The following PTPRG variants were observed in gnomAD, a reference collection of about 807,000 sequenced individuals.
PTPRG encodes receptor-type tyrosine-protein phosphatase gamma.
A neutral mutation model predicts 165.3 loss-of-function variants in PTPRG; 102 were observed. The ratio of observed to expected loss-of-function variants is 0.62; its 90% CI spans 0.53 to 0.73. The LOEUF is 0.73. Among genes scored for constraint, PTPRG ranks in the 30% least tolerant of loss-of-function variants. The pLI is 0.00. For missense variants in PTPRG, 1,866 were observed against 1,861.4 expected (o/e 1.00, Z -0.05); for synonymous variants, 675 against 669.5 (o/e 1.01, Z -0.13).
intron 2 of PTPRG, among the ~76,000 whole-genome samples, chr3:61,767,802 G>C (rs990671049): frequency 5.3e-4 from 80 of 151,508 alleles, no homozygotes; most frequent in African/African-American, 1.5e-3. Context: ...GATCCCGTTT[G>C]TACCAAAGGA....
At chr3:62,112,966 C>T (rs181964750) in intron 5 of PTPRG, among the ~76,000 whole-genome samples, 143 of 152,186 alleles carry the variant, frequency 9.4e-4, no homozygotes, top group Admixed American at 2.2e-3. Flanking sequence ...CGGAGCAGAC[C>T]GTACCACCTG....
chr3:61,563,625 C>T (rs1699826800), intron 1 of PTPRG, among the ~76,000 whole-genome samples: 1 of 152,228 alleles, frequency 6.6e-6, no homozygotes, highest in Non-Finnish European at 1.5e-5. Context: ...CCATCAACTC[C>T]TGCATACCCG....
rs72874718 is a variant in PTPRG, at chr3:61,620,557, C to T, written c.85+58185C>T. 3.2e-3 allele frequency among the ~76,000 whole-genome samples: 481 copies of T among 152,162 alleles called. 4 individuals carry two copies. The highest frequency in any genetic ancestry group is 0.011 in the African/African-American group (456 of 41,520). ...TTGAGGGTTTTTTTTGTTCCTCGTC[C>T]GGTGAATGGAGCAGTTCCAAAGTAA... On this transcript the variant is annotated intron_variant, in intron 1 of 29. Coordinates refer to ENST00000474889, the MANE Select transcript of PTPRG (RefSeq NM_002841.4).
chr3:62,088,832 T>C (rs1279441573), intron 5 of PTPRG, among the ~76,000 whole-genome samples: 2 of 152,358 alleles, frequency 1.3e-5, no homozygotes, highest in South Asian at 4.1e-4. Context: ...CTTAGCATTA[T>C]AGAAGGATTT....
chr3:62,258,115 C>G (rs551656378), intron 16 of PTPRG, among the ~76,000 whole-genome samples: 5 of 152,116 alleles, frequency 3.3e-5, no homozygotes, highest in Non-Finnish European at 5.9e-5. Context: ...GAACCCCCCC[C>G]ACTAGGAGTA....
At chr3:62,182,948 C>T (rs1705719317) in intron 8 of PTPRG, among the ~76,000 whole-genome samples, 1 of 152,208 alleles carries the variant, frequency 6.6e-6, no homozygotes, top group South Asian at 2.1e-4. Flanking sequence ...AGCCACTACG[C>T]CCGGCTAACA....
chr3:61,633,393 T>C (rs536556015), intron 1 of PTPRG, among the ~76,000 whole-genome samples: 4 of 152,328 alleles, frequency 2.6e-5, no homozygotes, highest in Admixed American at 1.3e-4. Flanking sequence ...ATGAAAGTCA[T>C]TGGGATGAGT....
chr3:61,940,166 C>T (rs1245434893), intron 2 of PTPRG, among the ~76,000 whole-genome samples: 4 of 151,762 alleles, frequency 2.6e-5, no homozygotes, highest in South Asian at 2.1e-4. Context: ...AGGCTGGTCT[C>T]GAATTCCTGA....
intron 14 of PTPRG, 77 bp downstream of exon 14, chr3:62,231,388 T>C: frequency 7.9e-7 from 1 of 1,265,392 alleles, no homozygotes; most frequent in East Asian, 2.6e-5. Context: ...TTTGTTGCCA[T>C]GGGGATTGAA....
chr3:62,139,213 C>G (rs1703831262), intron 6 of PTPRG, among the ~76,000 whole-genome samples: 1 of 151,856 alleles, frequency 6.6e-6, no homozygotes, highest in African/African-American at 2.4e-5. Context: ...ACTTGTAATC[C>G]CAGCACTTTG....
At chr3:62,282,662 T>A in intron 27 of PTPRG, 65 bp from the exon 28 acceptor site, 1 of 1,505,260 alleles carries the variant, frequency 6.6e-7, no homozygotes, top group South Asian at 1.4e-5. Context: ...GAGCAAGTTC[T>A]AGTCATTAGA....
At chr3:62,146,757 A>G (rs933961886) in intron 6 of PTPRG, among the ~76,000 whole-genome samples, 4 of 152,022 alleles carry the variant, frequency 2.6e-5, no homozygotes, top group African/African-American at 2.4e-5. Flanking sequence ...CAACTACTCA[A>G]CTCTGCAGTG....
chr3:62,235,535 A>C (rs1406510405), intron 14 of PTPRG, among the ~76,000 whole-genome samples: 1 of 152,198 alleles, frequency 6.6e-6, no homozygotes, highest in Non-Finnish European at 1.5e-5. Context: ...AGGTATCTGC[A>C]AGGATTTCTT....
intron 1 of PTPRG, among the ~76,000 whole-genome samples, chr3:61,724,268 G>C (rs926340884): frequency 6.7e-6 from 1 of 150,292 alleles, no homozygotes; most frequent in Non-Finnish European, 1.5e-5. Flanking sequence ...TATGTATATA[G>C]TGTGTGACTT....
chr3:61,663,230 A>T (rs1702715764), intron 1 of PTPRG, among the ~76,000 whole-genome samples: 1 of 152,234 alleles, frequency 6.6e-6, no homozygotes, highest in Non-Finnish European at 1.5e-5. Context: ...TGGGAATGGA[A>T]TCTGACTTTG....
At chr3:62,093,218 G>C (rs922201913) in intron 5 of PTPRG, among the ~76,000 whole-genome samples, 1 of 152,118 alleles carries the variant, frequency 6.6e-6, no homozygotes, top group South Asian at 2.1e-4. Flanking sequence ...CCTCCATCCC[G>C]GCTCCTATCA....
chr3:61,582,759 C>T (rs371579870), intron 1 of PTPRG, among the ~76,000 whole-genome samples: 1 of 152,116 alleles, frequency 6.6e-6, no homozygotes, highest in Non-Finnish European at 1.5e-5. Flanking sequence ...TCCTCTTGTA[C>T]ATTATTGCAA....
chr3:61,790,416 G>T (rs1014661395), intron 2 of PTPRG, among the ~76,000 whole-genome samples: 9 of 152,106 alleles, frequency 5.9e-5, no homozygotes, highest in African/African-American at 2.2e-4. Context: ...TAGTCCAGTG[G>T]TTTGGATTAA....
intron 2 of PTPRG, chr3:61,925,768 T>A (rs2039193696): frequency 1.8e-5 from 7 of 384,190 alleles, no homozygotes; most frequent in South Asian, 1.3e-4. Flanking sequence ...TCATCATTGG[T>A]CAAAGTTGCA....
Sources: allele counts gnomAD v4.1 joint callset (sites outside exome capture counted in the v4.1 genomes callset), GRCh38; gene constraint gnomAD v4.1.1; transcripts MANE v1.5; gene names NCBI Gene and HGNC (gene_info 2026-07-23, HGNC 2026-07-21).